The following DPP10 variants were observed in gnomAD, a reference collection of about 807,000 sequenced individuals.
DPP10 encodes inactive dipeptidyl peptidase 10.
DPP10 carries 33 observed loss-of-function variants against 120.9 expected under a neutral mutation model. The observed-to-expected ratio is 0.27, with a 90% CI of 0.21 to 0.37. DPP10 has a LOEUF of 0.37. Among genes scored for constraint, DPP10 ranks in the 10% least tolerant of loss-of-function variants. DPP10 has a pLI of 1.00. For missense variants in DPP10, 816 were observed against 942.8 expected, an observed-to-expected ratio of 0.87 and a Z score of 1.76; for synonymous variants, 337 against 326.1, an observed-to-expected ratio of 1.03 and a Z score of -0.36.
At chr2:115,348,789 G>A (rs984158894) in intron 3 of DPP10, among the ~76,000 whole-genome samples, 1 of 152,074 alleles carries the variant, frequency 6.6e-6, no homozygotes, top group South Asian at 2.1e-4. Context: ...TTACCGTGCA[G>A]CTAGTGTGTC....
At chr2:114,554,961 G>A (rs1457834654) in intron 1 of DPP10, among the ~76,000 whole-genome samples, 3 of 152,178 alleles carry the variant, frequency 2.0e-5, no homozygotes, top group African/African-American at 7.2e-5. Context: ...CAGTGTCCAC[G>A]GGCTGCTGGT....
At chr2:115,201,508 G>T (rs1395294845) in intron 1 of DPP10, among the ~76,000 whole-genome samples, 1 of 152,066 alleles carries the variant, frequency 6.6e-6, no homozygotes, top group Non-Finnish European at 1.5e-5. Context: ...ACCATTTGGT[G>T]ATTCCTTTAG....
rs1268104375 is a variant in DPP10 at position 115,689,881 on chromosome 2, T to C, written c.536T>C (p.Val179Ala). Residue 179 changes from valine to alanine, a missense_variant, in exon 7 of 26, where the codon GTC (valine) becomes GCC (alanine). By Grantham distance (64) the Val-to-Ala change is moderately conservative. Around this residue, in one of 3 missense-constraint regions of DPP10, gnomAD observed 182 missense variants for 207.4 expected, o/e 0.88. Coordinates refer to ENST00000410059, the MANE Select transcript of DPP10 (RefSeq NM_020868.6). Reference protein sequence around the residue: ...ELNPPEVEDSVLQYAAWGVQG... With the variant: ...ELNPPEVEDSALQYAAWGVQG... ...AATCCTCCAGAAGTAGAGGACTCCG[T>C]CTTGCAGTACGCGGCCTGGGGTGTC... The C allele has an allele frequency of 1.2e-6, 2 of 1,613,808 alleles. No individual in the cohort carries two copies. The highest frequency in any genetic ancestry group is 3.3e-5 in the Admixed American group (2 of 59,894).
At chr2:115,535,455 C>T (rs996116900) in intron 5 of DPP10, among the ~76,000 whole-genome samples, 7 of 151,960 alleles carry the variant, frequency 4.6e-5, no homozygotes, top group Non-Finnish European at 8.8e-5. Flanking sequence ...GGGCTCTGTT[C>T]TGTTCCATTG....
At chr2:115,343,687 G>T in intron 2 of DPP10, 130 bp from the exon 3 acceptor site, 1 of 470,532 alleles carries the variant, frequency 2.1e-6, no homozygotes, top group Non-Finnish European at 3.7e-6. Flanking sequence ...CAAAAACCAT[G>T]TCAAAATGGT....
At chr2:114,532,019 G>C (rs1247447346) in intron 1 of DPP10, among the ~76,000 whole-genome samples, 1 of 151,752 alleles carries the variant, frequency 6.6e-6, no homozygotes, top group Non-Finnish European at 1.5e-5. Context: ...GAGGAAGGGA[G>C]AATTTGCTTT....
At chr2:114,604,989 T>C (rs1311348064) in intron 1 of DPP10, among the ~76,000 whole-genome samples, 1 of 152,118 alleles carries the variant, frequency 6.6e-6, no homozygotes, top group African/African-American at 2.4e-5. Flanking sequence ...TGAATGAGCA[T>C]CTCTTCTGTT....
At chr2:115,188,514 A>C (rs2054632685) in intron 1 of DPP10, among the ~76,000 whole-genome samples, 1 of 152,336 alleles carries the variant, frequency 6.6e-6, no homozygotes, top group East Asian at 1.9e-4. Context: ...GCCATATTTT[A>C]GGGTCTCTCA....
intron 4 of DPP10, among the ~76,000 whole-genome samples, chr2:115,523,083 C>A (rs2077913366): frequency 6.6e-6 from 1 of 152,088 alleles, no homozygotes; most frequent in Admixed American, 6.6e-5. Flanking sequence ...AGTTTCTCTG[C>A]AGCATCAGTG....
intron 1 of DPP10, among the ~76,000 whole-genome samples, chr2:115,179,118 A>G (rs2053902021): frequency 6.6e-6 from 1 of 152,186 alleles, no homozygotes; most frequent in Non-Finnish European, 1.5e-5. Context: ...ATAATGAATG[A>G]GCCTTTCCTA....
chr2:114,628,706 G>A lies in DPP10; in HGVS notation c.60+185868G>A, dbSNP rs184344996. Among the ~76,000 whole-genome samples, 411 of 152,124 alleles carry A rather than the reference G, an allele frequency of 2.7e-3. 2 individuals are homozygous for A. The highest frequency in any genetic ancestry group is 8.4e-3 in the African/African-American group (350 of 41,514). ...CTGACTCTTCAAGTATCTGAACGGC[G>A]GGGGAAAGCTTAGACAAATAGATTA... On this transcript the variant is annotated intron_variant, in intron 1 of 25. Transcript: ENST00000410059.
At chr2:115,822,332 A>G (rs1469707627) in intron 21 of DPP10, among the ~76,000 whole-genome samples, 1 of 151,946 alleles carries the variant, frequency 6.6e-6, no homozygotes, top group Non-Finnish European at 1.5e-5. Flanking sequence ...ATTCATCCTT[A>G]TATCATATCT....
At chr2:115,247,539 C>A (rs185873843) in intron 1 of DPP10, among the ~76,000 whole-genome samples, 50 of 151,782 alleles carry the variant, frequency 3.3e-4, no homozygotes, top group African/African-American at 1.1e-3. Context: ...GAGGGAAGAG[C>A]GAAAAGAGAT....
intron 2 of DPP10, among the ~76,000 whole-genome samples, chr2:115,317,891 A>G (rs193130831): frequency 2.0e-5 from 3 of 152,108 alleles, no homozygotes; most frequent in Non-Finnish European, 2.9e-5. Flanking sequence ...ATATTTTCAT[A>G]TACTTTCTTC....
At chr2:114,519,409 C>G (rs1684867149) in intron 1 of DPP10, among the ~76,000 whole-genome samples, 2 of 152,220 alleles carry the variant, frequency 1.3e-5, no homozygotes, top group Non-Finnish European at 2.9e-5. Context: ...CCTGAGCTAT[C>G]CTTTGGCCAG....
At position 114,553,242 on chromosome 2, in the gene DPP10, G is replaced by A. The variant is rs138457789; in HGVS notation, c.60+110404G>A. Among the ~76,000 whole-genome samples, 275 of 152,220 alleles carry A rather than the reference G, an allele frequency of 1.8e-3. 1 individual carries two copies. Among genetic ancestry groups the A allele is most frequent in the Non-Finnish European group, 3.0e-3 (206 of 68,020 alleles). On this transcript the variant is annotated intron_variant, in intron 1 of 25. Coordinates refer to ENST00000410059, the MANE Select transcript of DPP10 (RefSeq NM_020868.6). ...TTCGTCTCTTCCTCTTGCCAGGCTGGGCCAGCTTCTCCCGCTGTACCTTCC... is the reference window on the plus strand; with the variant it reads ...TTCGTCTCTTCCTCTTGCCAGGCTGAGCCAGCTTCTCCCGCTGTACCTTCC...
intron 1 of DPP10, among the ~76,000 whole-genome samples, chr2:114,930,888 C>T (rs1696019279): frequency 6.6e-6 from 1 of 152,176 alleles, no homozygotes; most frequent in Non-Finnish European, 1.5e-5. Context: ...AGAGTGAGAA[C>T]TTATTAACTA....
At chr2:115,632,729 T>G (rs928274407) in intron 5 of DPP10, among the ~76,000 whole-genome samples, 4 of 152,040 alleles carry the variant, frequency 2.6e-5, no homozygotes, top group African/African-American at 9.7e-5. Flanking sequence ...TAAATAAATT[T>G]ACAAGAAAAA....
intron 1 of DPP10, among the ~76,000 whole-genome samples, chr2:114,668,211 G>A (rs554861098): frequency 6.6e-6 from 1 of 152,292 alleles, no homozygotes; most frequent in African/African-American, 2.4e-5. Flanking sequence ...GTGTGATTCA[G>A]CCTGAGCCTG....
Sources: gnomAD v4.1 joint callset for allele counts (sites outside exome capture counted in the v4.1 genomes callset) on GRCh38, gnomAD v4.1.1 for gene constraint, gnomAD v4.1.1 regional missense constraint, MANE v1.5 for transcripts, NCBI Gene and HGNC (gene_info 2026-07-23, HGNC 2026-07-21) for gene names.